SNTG2: variants seen among roughly 807,000 people sequenced by gnomAD.
SNTG2 encodes gamma-2-syntrophin.
In SNTG2, 74 loss-of-function variants were observed where a neutral mutation model predicts 70.9. The ratio of observed to expected loss-of-function variants is 1.04; its 90% CI spans 0.86 to 1.27. The LOEUF (loss-of-function observed/expected upper bound fraction) is 1.27, where lower values mean the gene tolerates loss of function less well. SNTG2 is among the 50% of genes most tolerant of loss of function. SNTG2 has a pLI of 0.00. For synonymous variants in SNTG2, 278 were observed against 273.8 expected, an observed-to-expected ratio of 1.02 and a Z score of -0.15; for missense variants, 717 against 690.7, an observed-to-expected ratio of 1.04 and a Z score of -0.43.
chr2:1,334,619 G>A (rs531048625), intron 16 of SNTG2, among the ~76,000 whole-genome samples: 1 of 152,268 alleles, frequency 6.6e-6, no homozygotes, highest in South Asian at 2.1e-4. Context: ...CCATACAAAG[G>A]AACAAAATAA....
At chr2:1,150,147 C>T (rs1445859211) in intron 6 of SNTG2, among the ~76,000 whole-genome samples, 2 of 152,158 alleles carry the variant, frequency 1.3e-5, no homozygotes, top group African/African-American at 4.8e-5. Context: ...TTTTGAGAGG[C>T]TGTTTTAAAA....
intron 14 of SNTG2, among the ~76,000 whole-genome samples, chr2:1,276,784 T>C (rs1679286840): frequency 6.6e-6 from 1 of 152,200 alleles, no homozygotes; most frequent in Non-Finnish European, 1.5e-5. Context: ...ACTGAAAACC[T>C]GGAAAGGATT....
At chr2:980,304 T>C (rs1427729330) in intron 1 of SNTG2, among the ~76,000 whole-genome samples, 1 of 152,156 alleles carries the variant, frequency 6.6e-6, no homozygotes, top group Non-Finnish European at 1.5e-5. Flanking sequence ...GAGGAGAGTT[T>C]CCTAGTAAAC....
At chr2:1,074,725 C>T (rs1260598675) in intron 1 of SNTG2, among the ~76,000 whole-genome samples, 1 of 152,044 alleles carries the variant, frequency 6.6e-6, no homozygotes, top group Non-Finnish European at 1.5e-5. Flanking sequence ...TAGGAGTAAA[C>T]AAAGTATTAA....
intron 4 of SNTG2, among the ~76,000 whole-genome samples, chr2:1,121,996 G>T (rs1172975133): frequency 6.6e-6 from 1 of 152,096 alleles, no homozygotes; most frequent in Non-Finnish European, 1.5e-5. Context: ...CCAGAAAATT[G>T]GACTACCTAG....
intron 1 of SNTG2, among the ~76,000 whole-genome samples, chr2:1,080,030 C>T (rs1664179270): frequency 6.6e-6 from 1 of 152,208 alleles, no homozygotes; most frequent in South Asian, 2.1e-4. Flanking sequence ...GTTCCGGGTC[C>T]TGCTCCTTAT....
intron 1 of SNTG2, among the ~76,000 whole-genome samples, chr2:965,449 C>T (rs1660521037): frequency 6.6e-6 from 1 of 151,424 alleles, no homozygotes; most frequent in Admixed American, 6.6e-5. Context: ...TCTCCCTGTT[C>T]CTGTTGGTTG....
At chr2:959,076 G>A (rs76185850) in intron 1 of SNTG2, among the ~76,000 whole-genome samples, 2,995 of 152,228 alleles carry the variant, frequency 0.02, 92 homozygotes, top group African/African-American at 0.068. Flanking sequence ...ATTTTGTAAT[G>A]TATAACACTT....
At chr2:1,335,077 G>A (rs1293201628) in intron 16 of SNTG2, among the ~76,000 whole-genome samples, 1 of 152,158 alleles carries the variant, frequency 6.6e-6, no homozygotes, top group Non-Finnish European at 1.5e-5. Flanking sequence ...TTCATAAAGA[G>A]ATTCATGTGT....
chr2:1,127,664 T>C (rs1018658479), intron 4 of SNTG2, among the ~76,000 whole-genome samples: 2 of 152,104 alleles, frequency 1.3e-5, no homozygotes, highest in Admixed American at 6.5e-5. Flanking sequence ...GGATCTTCCA[T>C]ATCCTTGGTT....
chr2:988,106 T>C (rs1661385522), intron 1 of SNTG2, among the ~76,000 whole-genome samples: 1 of 152,252 alleles, frequency 6.6e-6, no homozygotes, highest in African/African-American at 2.4e-5. Flanking sequence ...TCCGTTCCTT[T>C]AAGAAGTACG....
intron 1 of SNTG2, among the ~76,000 whole-genome samples, chr2:1,061,455 G>A (rs1032204487): frequency 1.3e-5 from 2 of 152,174 alleles, no homozygotes; most frequent in Non-Finnish European, 2.9e-5. Flanking sequence ...ACAGCTTTCC[G>A]AGGTTGAGGA....
At position 1,361,345 on chromosome 2, in the gene SNTG2, T is replaced by A. The variant is rs940875964; in HGVS notation, c.1489-5998T>A. Among the ~76,000 whole-genome samples, 215 of 149,726 alleles carry A rather than the reference T, an allele frequency of 1.4e-3. 1 individual carries two copies. Among genetic ancestry groups the A allele is most frequent in the African/African-American group, 2.9e-3 (117 of 40,922 alleles). ...TAAATGGTCATCAAGTTGACCCATT[T>A]AAAAAAAAAAACTCACAGAATTTTG... On this transcript the variant is annotated intron_variant, in intron 16 of 16. Transcript: ENST00000308624.
chr2:1,251,808 G>C lies in SNTG2; in HGVS notation c.1005+4365G>C, dbSNP rs184846138. Among the ~76,000 whole-genome samples, 986 of 144,276 alleles carry C rather than the reference G, an allele frequency of 6.8e-3. 5 individuals carry two copies. The highest frequency in any genetic ancestry group is 0.012 in the Non-Finnish European group (779 of 65,748). The allele number at this position is 144,276 out of a possible 152,430, so 94.7% of individuals were successfully genotyped here. ...CCACTCATGCACACACCACACACAC[G>C]TGCACACCACTCATGCACACACCAC... is the stretch of plus-strand genomic sequence containing the variant. On this transcript the variant is annotated intron_variant, in intron 12 of 16. Coordinates refer to ENST00000308624, the MANE Select transcript of SNTG2 (RefSeq NM_018968.4).
intron 14 of SNTG2, among the ~76,000 whole-genome samples, chr2:1,278,595 T>C (rs1401190951): frequency 2.0e-5 from 3 of 152,240 alleles, no homozygotes; most frequent in African/African-American, 7.2e-5. Context: ...TGCTGCTTCC[T>C]GTAGTAGGCC....
At chr2:1,081,493 A>G (rs750453300) in intron 1 of SNTG2, among the ~76,000 whole-genome samples, 1 of 152,232 alleles carries the variant, frequency 6.6e-6, no homozygotes, top group Non-Finnish European at 1.5e-5. Context: ...GGATATGTCT[A>G]CATTTCTTCA....
chr2:957,220 G>A (rs1660193802), intron 1 of SNTG2, among the ~76,000 whole-genome samples: 1 of 152,004 alleles, frequency 6.6e-6, no homozygotes, highest in African/African-American at 2.4e-5. Context: ...ATCCAAGTCT[G>A]GTTTTATTCC....
At chr2:1,035,025 C>T (rs1661055135) in intron 1 of SNTG2, among the ~76,000 whole-genome samples, 1 of 152,182 alleles carries the variant, frequency 6.6e-6, no homozygotes, top group Non-Finnish European at 1.5e-5. Flanking sequence ...CTCTCAACCA[C>T]AGTGCAATAA....
intron 12 of SNTG2, among the ~76,000 whole-genome samples, chr2:1,258,573 A>C (rs1678246904): frequency 1.3e-5 from 2 of 152,230 alleles, no homozygotes; most frequent in African/African-American, 4.8e-5. Flanking sequence ...AATTAAAGCC[A>C]AGATAATTTC....
Sources: allele counts gnomAD v4.1 joint callset (sites outside exome capture counted in the v4.1 genomes callset), GRCh38; gene constraint gnomAD v4.1.1; transcripts MANE v1.5; gene names NCBI Gene and HGNC (gene_info 2026-07-23, HGNC 2026-07-21).